HAVCR1: variants seen among roughly 807,000 people sequenced by gnomAD.
HAVCR1 encodes T cell immunoglobin domain and mucin domain protein 1.
In HAVCR1, 34 loss-of-function variants were observed where a neutral mutation model predicts 32.0. The ratio of observed to expected loss-of-function variants is 1.06; its 90% CI spans 0.81 to 1.42. HAVCR1 has a LOEUF of 1.42. HAVCR1 is among the 40% of genes most tolerant of loss of function. HAVCR1 has a pLI of 0.00. For missense variants in HAVCR1, 420 were observed against 442.3 expected, an observed-to-expected ratio of 0.95 and a Z score of 0.45; for synonymous variants, 178 against 170.3, an observed-to-expected ratio of 1.05 and a Z score of -0.35.
the HAVCR1 span, among the ~76,000 whole-genome samples, chr5:157,066,316 A>C: frequency 6.6e-6 from 1 of 151,986 alleles, no homozygotes; most frequent in Non-Finnish European, 1.5e-5. Flanking sequence ...AAATCAGGAG[A>C]TAATTGAATA....
chr5:157,042,013 C>T (rs1184224496), intron 6 of HAVCR1, among the ~76,000 whole-genome samples: 2 of 151,242 alleles, frequency 1.3e-5, no homozygotes, highest in African/African-American at 2.4e-5. Context: ...GAGCTGAGAT[C>T]GCATCACTAC....
Position 157,029,607 on chromosome 5 carries a change from T to C in HAVCR1, c.*126A>G, listed in dbSNP as rs1365630502. 1.9e-6 allele frequency: 3 copies of C among 1,543,628 alleles called. No individual in the cohort carries two copies. The highest frequency in any genetic ancestry group is 1.4e-5 in the African/African-American group (1 of 73,398). On this transcript the variant is annotated 3_prime_UTR_variant, in exon 9 of 9. Transcript: ENST00000523175. ...GTTACTCTACCCAGTATCACTGACA[T>C]GTTGGAATGCCAGATGAAACTGAAA... is the stretch of plus-strand genomic sequence containing the variant.
intron 3 of HAVCR1, among the ~76,000 whole-genome samples, chr5:157,053,984 CA>C (rs1755948599): frequency 6.6e-6 from 1 of 151,638 alleles, no homozygotes; most frequent in Non-Finnish European, 1.5e-5. Flanking sequence ...AGTTTGAGAC[CA>C]GCCTGGGCAA....
chr5:157,038,838 A>G (rs1334075885), intron 6 of HAVCR1, among the ~76,000 whole-genome samples: 1 of 152,236 alleles, frequency 6.6e-6, no homozygotes, highest in Non-Finnish European at 1.5e-5. Context: ...AACTAAAAAA[A>G]CCACAACCAG....
At chr5:157,044,408 G>T (rs1331642127) in intron 5 of HAVCR1, among the ~76,000 whole-genome samples, 1 of 41,292 alleles carries the variant, frequency 2.4e-5, no homozygotes, top group East Asian at 1.5e-3. Context: ...AAGGAAGGAA[G>T]GAAGGAAGGA....
the HAVCR1 span, among the ~76,000 whole-genome samples, chr5:157,064,504 C>T: frequency 2.6e-5 from 4 of 151,846 alleles, no homozygotes; most frequent in African/African-American, 4.8e-5. Context: ...GAGAAAGGGC[C>T]TAAGATGACT....
chr5:157,051,446 C>T (rs1319250807), intron 4 of HAVCR1, among the ~76,000 whole-genome samples: 2 of 152,186 alleles, frequency 1.3e-5, no homozygotes, highest in Non-Finnish European at 2.9e-5. Flanking sequence ...TAATAGGAGG[C>T]ATGATCCAGT....
chr5:157,057,806 C>T, intron 2 of HAVCR1, 92 bp downstream of exon 2: 2 of 895,110 alleles, frequency 2.2e-6, no homozygotes, highest in Non-Finnish European at 3.7e-6. Flanking sequence ...ATTAATCCAC[C>T]ACCACCATCC....
Position 157,032,861 on chromosome 5 carries a change from G to T in HAVCR1, c.979C>A (p.Gln327Lys). The change falls in exon 8 of 9, where the codon CAA becomes AAA. Residue 327 changes from glutamine (Q) to lysine (K), a missense_variant. Transcript: ENST00000523175. ...AAATATTTTCGAGCTTACCTTAGTTGTTGAACCTCCTTTTTGAAGAAATAC... is the reference window on the plus strand; with the variant it reads ...AAATATTTTCGAGCTTACCTTAGTTTTTGAACCTCCTTTTTGAAGAAATAC... ...KKYFFKKEVQ[Q>K]LSVSFSSLQI... 1 of 1,573,590 alleles carries T rather than the reference G, an allele frequency of 6.4e-7. No individual in the cohort carries two copies. The highest frequency in any genetic ancestry group is 8.7e-7 in the Non-Finnish European group (1 of 1,147,594).
chr5:157,049,099 C>G lies in HAVCR1; in HGVS notation c.720G>C (p.Thr240=). The G allele has an allele frequency of 1.2e-6, 2 of 1,612,972 alleles. No individual in the cohort carries two copies. The highest frequency in any genetic ancestry group is 2.2e-5 in the South Asian group (2 of 91,044). The stretch of plus-strand genomic sequence containing the variant: ...CTCTCCTTATTGCTCCCTGCAGTGT[C>G]GTAGGGTGGGTTTCTGCTGGCTGAG... ...SSPQPAETHP[T]TLQGAIRREP... is the part of the protein sequence containing the mutation. Residue 240 remains threonine (T), a synonymous_variant, in exon 5 of 9, where the codon ACG becomes ACC. Coordinates refer to ENST00000523175, the MANE Select transcript of HAVCR1 (RefSeq NM_001173393.3).
Position 157,052,632 on chromosome 5 carries a change from A to C in HAVCR1, c.402T>G (p.Ile134Met). The change falls in exon 4 of 9, where the codon ATT (isoleucine) becomes ATG (methionine). Residue 134 changes from isoleucine (I) to methionine (M), a missense_variant. Ile to Met is a conservative substitution (Grantham distance 10). Coordinates refer to ENST00000523175, the MANE Select transcript of HAVCR1 (RefSeq NM_001173393.3). Reference sequence around the variant, plus strand: ...TCGTGACGGTTGGAACAGTTGTGACAATTGGAGTAGTCGTGACCTTGGCTG... The same window carrying C: ...TCGTGACGGTTGGAACAGTTGTGACCATTGGAGTAGTCGTGACCTTGGCTG... ...IVPPKVTTTP[I>M]VTTVPTVTTV... The C allele has an allele frequency of 6.2e-7, 1 of 1,614,096 alleles. No homozygotes were observed. Among genetic ancestry groups the C allele is most frequent in the Non-Finnish European group, 8.5e-7 (1 of 1,179,930 alleles).
At chr5:157,043,315 T>C (rs899933198) in intron 5 of HAVCR1, among the ~76,000 whole-genome samples, 1 of 152,200 alleles carries the variant, frequency 6.6e-6, no homozygotes, top group African/African-American at 2.4e-5. Flanking sequence ...ACATTTCTCT[T>C]AGAGTTGAAC....
Position 157,055,628 on chromosome 5 carries a change from G to A in HAVCR1, c.47-95C>T, listed in dbSNP as rs1340828539. 2.1e-5 allele frequency: 15 copies of A among 728,732 alleles called. 1 individual carries two copies. The highest frequency in any genetic ancestry group is 1.6e-4 in the East Asian group (6 of 37,904). The allele number at this position is 728,732 out of a possible 1,614,324, so 45.1% of individuals were successfully genotyped here. The stretch of plus-strand genomic sequence containing the variant: ...CGCCTGTAATCCAAGAACTTTGGGA[G>A]ACCAAGGCAGGCAGATCAACCCAGG... On this transcript the variant is annotated intron_variant, in intron 2 of 8. Transcript: ENST00000523175.
At chr5:157,058,300 A>T (rs1756348232) in intron 1 of HAVCR1, 1 of 196,338 alleles carries the variant, frequency 5.1e-6, no homozygotes, top group Non-Finnish European at 1.0e-5. Flanking sequence ...GCGGTGGCTC[A>T]AACCTGTAAT....
At chr5:157,045,068 T>C (rs963762566) in intron 5 of HAVCR1, among the ~76,000 whole-genome samples, 3 of 152,120 alleles carry the variant, frequency 2.0e-5, no homozygotes, top group Admixed American at 6.6e-5. Context: ...TACCAAACCC[T>C]ATAGAGACCA....
intron 8 of HAVCR1, among the ~76,000 whole-genome samples, chr5:157,030,324 A>G (rs1754097955): frequency 6.6e-6 from 1 of 152,216 alleles, no homozygotes; most frequent in African/African-American, 2.4e-5. Context: ...AACATTGAAT[A>G]TAGTTAAATA....
chr5:157,052,436 T>C lies in HAVCR1; in HGVS notation c.598A>G (p.Thr200Ala). The C allele has an allele frequency of 1.3e-6, 2 of 1,547,180 alleles. No individual in the cohort carries two copies. The highest frequency in any genetic ancestry group is 1.7e-6 in the Non-Finnish European group (2 of 1,153,212). ...ACAGTTGTTGTCACTGGAACACTTG[T>C]TGTTGTTGGAATGCTCGTTGTCGTT... ...VPTTTSIPTT[T>A]SVPVTTTVST... Residue 200 changes from threonine (T) to alanine (A), a missense_variant, in exon 4 of 9, where the codon ACA (threonine) becomes GCA (alanine). Coordinates refer to ENST00000523175, the MANE Select transcript of HAVCR1 (RefSeq NM_001173393.3).
At chr5:157,044,839 G>C (rs183477074) in intron 5 of HAVCR1, among the ~76,000 whole-genome samples, 1,298 of 36,020 alleles carry the variant, frequency 0.036, 32 homozygotes, top group African/African-American at 0.14. Flanking sequence ...AGCACGGACC[G>C]GAGTCAATAA....
At position 157,057,936 on chromosome 5, in the gene HAVCR1, G is replaced by A; in HGVS notation, c.8C>T (p.Pro3Leu). 3 of 1,613,508 alleles carry A rather than the reference G, an allele frequency of 1.9e-6. No individual in the cohort carries two copies. The highest frequency in any genetic ancestry group is 2.5e-6 in the Non-Finnish European group (3 of 1,179,504). Residue 3 changes from proline to leucine, a missense_variant, in exon 2 of 9, where the codon CCT (proline) becomes CTT (leucine). By Grantham distance (98) the Pro-to-Leu change is moderately conservative. Coordinates refer to ENST00000523175, the MANE Select transcript of HAVCR1 (RefSeq NM_001173393.3). MH[P>L]QVVILSLILH... The stretch of plus-strand genomic sequence containing the variant: ...GATGAGGCTTAAGATGACCACTTGA[G>A]GATGCATTATGGGATCAGCCTGAAG...
Sources: gnomAD v4.1 joint callset for allele counts (sites outside exome capture counted in the v4.1 genomes callset) on GRCh38, gnomAD v4.1.1 for gene constraint, MANE v1.5 for transcripts, NCBI Gene and HGNC (gene_info 2026-07-23, HGNC 2026-07-21) for gene names.